The following NFIB variants were observed in gnomAD, a reference collection of about 807,000 sequenced individuals.
NFIB encodes the protein nuclear factor 1 B-type.
Under a neutral mutation model 61.5 loss-of-function variants are expected in NFIB, and 11 were observed. The ratio of observed to expected loss-of-function variants is 0.18; its 90% CI spans 0.11 to 0.30. NFIB has a LOEUF of 0.30. NFIB is among the 10% of genes least tolerant of loss of function. NFIB has a pLI of 1.00. For missense variants in NFIB, 471 were observed against 608.9 expected, an observed-to-expected ratio of 0.77 and a Z score of 2.38; for synonymous variants, 260 against 216.5, an observed-to-expected ratio of 1.20 and a Z score of -1.76.
chr9:14,194,079 T>A (rs982254225), intron 2 of NFIB, among the ~76,000 whole-genome samples: 1 of 152,170 alleles, frequency 6.6e-6, no homozygotes, highest in Admixed American at 6.5e-5. Flanking sequence ...AAATACATGT[T>A]TATTATTTTT....
chr9:14,295,006 A>C (rs1431170613), intron 2 of NFIB, among the ~76,000 whole-genome samples: 1 of 152,226 alleles, frequency 6.6e-6, no homozygotes, highest in African/African-American at 2.4e-5. Flanking sequence ...CGGTGATCCC[A>C]AATCACAGTT....
chr9:14,521,278 A>G, the NFIB span, among the ~76,000 whole-genome samples: 3 of 152,244 alleles, frequency 2.0e-5, no homozygotes, highest in Admixed American at 1.3e-4. Context: ...TCCTCTAACT[A>G]AAAGGTCAAA....
chr9:14,388,910 G>C (rs1476564613), intron 1 of NFIB, among the ~76,000 whole-genome samples: 1 of 152,164 alleles, frequency 6.6e-6, no homozygotes, highest in Admixed American at 6.5e-5. Flanking sequence ...TTCAAGCCTG[G>C]ATGTATATTA....
chr9:14,412,912 A>G, the NFIB span, among the ~76,000 whole-genome samples: 3 of 152,268 alleles, frequency 2.0e-5, no homozygotes, highest in East Asian at 5.8e-4. Flanking sequence ...TCTGGTTACA[A>G]ATACACTAGG....
intron 2 of NFIB, among the ~76,000 whole-genome samples, chr9:14,213,596 A>G (rs1479466352): frequency 2.0e-5 from 3 of 152,232 alleles, no homozygotes; most frequent in African/African-American, 7.2e-5. Context: ...GCTACACAGT[A>G]ACATGGGAAA....
chr9:14,131,597 A>AG (rs2040416270), intron 6 of NFIB, among the ~76,000 whole-genome samples: 1 of 152,194 alleles, frequency 6.6e-6, no homozygotes, highest in Admixed American at 6.5e-5. Flanking sequence ...AGTCAGCCCA[A>AG]GGCAACAATT....
At chr9:14,324,086 C>T (rs559944998) in intron 1 of NFIB, among the ~76,000 whole-genome samples, 1 of 152,296 alleles carries the variant, frequency 6.6e-6, no homozygotes, top group African/African-American at 2.4e-5. Flanking sequence ...ATGTAGCTAT[C>T]TCCACACTCA....
chr9:14,362,050 C>T (rs1231809529), intron 1 of NFIB: 1 of 152,194 alleles, frequency 6.6e-6, no homozygotes, highest in Non-Finnish European at 1.5e-5. Flanking sequence ...GCCAGAGGTA[C>T]TAGGGCCTCT....
chr9:14,504,485 G>C, the NFIB span, among the ~76,000 whole-genome samples: 1 of 152,156 alleles, frequency 6.6e-6, no homozygotes, highest in South Asian at 2.1e-4. Flanking sequence ...CCATTTGTTT[G>C]TGTCATCTAT....
At chr9:14,131,757 G>C (rs1264953728) in intron 6 of NFIB, among the ~76,000 whole-genome samples, 1 of 152,148 alleles carries the variant, frequency 6.6e-6, no homozygotes, top group Non-Finnish European at 1.5e-5. Context: ...TCAAAGCAAA[G>C]ACCCCTTCCT....
intron 1 of NFIB, among the ~76,000 whole-genome samples, chr9:14,350,947 T>G (rs2061102619): frequency 1.3e-5 from 2 of 152,128 alleles, no homozygotes; most frequent in Admixed American, 1.3e-4. Context: ...AGTCGCGACC[T>G]TTCTACCCAC....
At chr9:14,167,660 T>C (rs954183123) in intron 3 of NFIB, among the ~76,000 whole-genome samples, 1 of 152,168 alleles carries the variant, frequency 6.6e-6, no homozygotes, top group Non-Finnish European at 1.5e-5. Context: ...GGTTTCCAAA[T>C]TTTCAAAAAG....
the NFIB span, among the ~76,000 whole-genome samples, chr9:14,415,826 C>A: frequency 8.2e-3 from 1,250 of 152,250 alleles, 17 homozygotes; most frequent in African/African-American, 0.028. Flanking sequence ...GAGACACCCC[C>A]GTATGGTACA....
intron 1 of NFIB, among the ~76,000 whole-genome samples, chr9:14,392,988 G>C (rs141685140): frequency 6.6e-6 from 1 of 152,104 alleles, no homozygotes; most frequent in Non-Finnish European, 1.5e-5. Context: ...ACAAATCAAC[G>C]GTCTTGCGAA....
intron 6 of NFIB, among the ~76,000 whole-genome samples, chr9:14,131,059 A>G (rs953436427): frequency 6.6e-6 from 1 of 152,214 alleles, no homozygotes; most frequent in African/African-American, 2.4e-5. Context: ...CAATCATAAT[A>G]ATACTGGATT....
At chr9:14,179,523 T>C (rs1181630425) in intron 3 of NFIB, among the ~76,000 whole-genome samples, 1 of 152,168 alleles carries the variant, frequency 6.6e-6, no homozygotes, top group African/African-American at 2.4e-5. Flanking sequence ...AATTAAAACA[T>C]TGGTGATTAG....
At chr9:14,211,351 C>T (rs2050284846) in intron 2 of NFIB, among the ~76,000 whole-genome samples, 1 of 151,952 alleles carries the variant, frequency 6.6e-6, no homozygotes, top group Non-Finnish European at 1.5e-5. Flanking sequence ...ACATTTTATC[C>T]TAGATCGATA....
chr9:14,415,101 C>G, the NFIB span, among the ~76,000 whole-genome samples: 5 of 152,248 alleles, frequency 3.3e-5, no homozygotes, highest in Non-Finnish European at 7.3e-5. Context: ...TGCATTCTCA[C>G]AGGCAGGCCT....
chr9:14,370,088 C>T (rs2061341917), intron 1 of NFIB, among the ~76,000 whole-genome samples: 2 of 152,216 alleles, frequency 1.3e-5, no homozygotes, highest in Non-Finnish European at 2.9e-5. Flanking sequence ...ACACCCAGTA[C>T]ATTTTACGAC....
Sources: gnomAD v4.1 joint callset for allele counts (sites outside exome capture counted in the v4.1 genomes callset) on GRCh38, gnomAD v4.1.1 for gene constraint, MANE v1.5 for transcripts, NCBI Gene and HGNC (gene_info 2026-07-23, HGNC 2026-07-21) for gene names.